Variants in OSBPL10 observed in about 807,000 individuals in gnomAD.
OSBPL10 encodes oxysterol binding protein like 10.
OSBPL10 carries 49 observed loss-of-function variants against 81.7 expected under a neutral mutation model. That is an observed-to-expected ratio of 0.60 (90% CI 0.48 to 0.76). The LOEUF is 0.76. Ranked by LOEUF, OSBPL10 falls within the 30% of genes least tolerant of loss-of-function variation. The pLI is 0.00. For missense variants in OSBPL10, 923 were observed against 987.8 expected (o/e 0.93, Z 0.88); for synonymous variants, 419 against 383.6 (o/e 1.09, Z -1.08).
intron 7 of OSBPL10, among the ~76,000 whole-genome samples, chr3:31,700,896 T>C (rs565951171): frequency 1.7e-4 from 26 of 152,258 alleles, no homozygotes; most frequent in South Asian, 8.3e-4. Context: ...CAAGTCGTCA[T>C]AGCTTGGTGT....
intron 3 of OSBPL10, among the ~76,000 whole-genome samples, chr3:31,862,708 T>C (rs1701089770): frequency 6.6e-6 from 1 of 152,118 alleles, no homozygotes; most frequent in South Asian, 2.1e-4. Context: ...ATTAGGGAAA[T>C]GCAAATCAAA....
At chr3:32,071,023 C>T (rs1387345804) in intron 1 of OSBPL10, among the ~76,000 whole-genome samples, 1 of 152,176 alleles carries the variant, frequency 6.6e-6, no homozygotes, top group Non-Finnish European at 1.5e-5. Flanking sequence ...CTGCTTCTCA[C>T]CTTATTCAAT....
intron 4 of OSBPL10, among the ~76,000 whole-genome samples, chr3:31,793,230 G>C (rs1322460511): frequency 6.6e-6 from 1 of 152,144 alleles, no homozygotes; most frequent in Non-Finnish European, 1.5e-5. Flanking sequence ...CTCCCAGCCA[G>C]ACTGGGAAAG....
At chr3:31,691,335 C>G (rs887989881) in intron 7 of OSBPL10, among the ~76,000 whole-genome samples, 5 of 152,172 alleles carry the variant, frequency 3.3e-5, no homozygotes, top group African/African-American at 1.2e-4. Context: ...GCGAAGGACA[C>G]TTGGAAGGAG....
chr3:32,008,774 AAAAG>A (rs1465564426), intron 2 of OSBPL10, among the ~76,000 whole-genome samples: 1 of 151,910 alleles, frequency 6.6e-6, no homozygotes, highest in Admixed American at 6.6e-5. Flanking sequence ...AAAAAAAAAA[AAAAG>A]AAGAACAAAA....
At chr3:31,681,927 C>T (rs1453686560) in intron 8 of OSBPL10, among the ~76,000 whole-genome samples, 4 of 152,182 alleles carry the variant, frequency 2.6e-5, no homozygotes, top group African/African-American at 9.7e-5. Context: ...CTCCCATACT[C>T]TTCCTTCAAA....
chr3:31,725,776 C>A (rs1696788913), intron 6 of OSBPL10, among the ~76,000 whole-genome samples: 1 of 152,320 alleles, frequency 6.6e-6, no homozygotes, highest in South Asian at 2.1e-4. Context: ...GAGCACAGAA[C>A]AGAGATGAGA....
At chr3:31,833,545 G>T (rs1700294997) in intron 3 of OSBPL10, among the ~76,000 whole-genome samples, 2 of 152,168 alleles carry the variant, frequency 1.3e-5, no homozygotes, top group South Asian at 4.1e-4. Flanking sequence ...TTTTTAAAAT[G>T]TTAAGAAGTT....
intron 3 of OSBPL10, among the ~76,000 whole-genome samples, chr3:31,866,018 C>A (rs1701169647): frequency 6.6e-6 from 1 of 152,140 alleles, no homozygotes; most frequent in Non-Finnish European, 1.5e-5. Context: ...ATCTTGCTTC[C>A]CGTTGTGTTG....
At chr3:31,876,554 G>T in intron 2 of OSBPL10, 42 bp from the exon 3 acceptor site, 1 of 1,532,338 alleles carries the variant, frequency 6.5e-7, no homozygotes, top group Non-Finnish European at 9.0e-7. Flanking sequence ...TGCAGAGATT[G>T]TTCCAAAACA....
chr3:31,940,021 C>A (rs1050436997), intron 1 of OSBPL10, among the ~76,000 whole-genome samples: 4 of 152,194 alleles, frequency 2.6e-5, no homozygotes, highest in Non-Finnish European at 4.4e-5. Flanking sequence ...ATACCCAGCC[C>A]ACTCCATATA....
At chr3:31,845,533 A>T (rs148266137) in intron 3 of OSBPL10, among the ~76,000 whole-genome samples, 101 of 152,376 alleles carry the variant, frequency 6.6e-4, no homozygotes, top group African/African-American at 2.3e-3. Flanking sequence ...ATAGTAAGAA[A>T]AAAGTTAAAC....
At chr3:31,939,005 T>C (rs1381250772) in intron 1 of OSBPL10, among the ~76,000 whole-genome samples, 2 of 152,170 alleles carry the variant, frequency 1.3e-5, no homozygotes, top group African/African-American at 2.4e-5. Flanking sequence ...TCCTTCCTCC[T>C]GCTTCAGATC....
At chr3:31,817,135 T>A (rs938458817) in intron 4 of OSBPL10, among the ~76,000 whole-genome samples, 3 of 152,110 alleles carry the variant, frequency 2.0e-5, no homozygotes, top group African/African-American at 7.2e-5. Flanking sequence ...TGGGCAGCCA[T>A]GGGCGGGCCT....
chr3:32,036,060 T>A (rs986993214), intron 2 of OSBPL10, among the ~76,000 whole-genome samples: 18 of 152,130 alleles, frequency 1.2e-4, no homozygotes, highest in South Asian at 4.1e-4. Context: ...TTTAAAAAAA[T>A]TTTTTTAGAC....
At chr3:32,014,981 G>A (rs534056967) in intron 2 of OSBPL10, among the ~76,000 whole-genome samples, 2 of 152,282 alleles carry the variant, frequency 1.3e-5, no homozygotes, top group South Asian at 2.1e-4. Flanking sequence ...TCCTGCTCAT[G>A]GATAGGAAGA....
chr3:31,707,715 AGCAGCATG>A (rs1696117988), intron 6 of OSBPL10, among the ~76,000 whole-genome samples: 1 of 152,236 alleles, frequency 6.6e-6, no homozygotes, highest in African/African-American at 2.4e-5. Context: ...TCAGGTACAC[AGCAGCATG>A]GCAAAGAAGT....
At chr3:31,991,189 T>C in intron 2 of OSBPL10, 3 of 578,158 alleles carry the variant, frequency 5.2e-6, no homozygotes, top group Non-Finnish European at 9.2e-6. Context: ...CTTATACCTG[T>C]AATCCCAGCA....
intron 5 of OSBPL10, among the ~76,000 whole-genome samples, chr3:31,739,315 G>C (rs964144045): frequency 6.6e-6 from 1 of 152,062 alleles, no homozygotes; most frequent in South Asian, 2.1e-4. Flanking sequence ...AAGGGAGAAA[G>C]GAAGGAAGAA....
Sources: allele counts gnomAD v4.1 joint callset (sites outside exome capture counted in the v4.1 genomes callset), GRCh38; gene constraint gnomAD v4.1.1; transcripts MANE v1.5; gene names NCBI Gene and HGNC (gene_info 2026-07-23, HGNC 2026-07-21).